The following CLDN16 variants were observed in gnomAD, a reference collection of about 807,000 sequenced individuals.
CLDN16 encodes the protein claudin 16, also known as claudin-16.
CLDN16 carries 13 observed loss-of-function variants against 24.6 expected under a neutral mutation model. The ratio of observed to expected loss-of-function variants is 0.53; its 90% CI spans 0.34 to 0.84. CLDN16 has a LOEUF of 0.84. Ranked by LOEUF, CLDN16 falls within the 40% of genes least tolerant of loss-of-function variation. The pLI is 0.01. For missense variants in CLDN16, 298 were observed against 292.7 expected (o/e 1.02, Z -0.13); for synonymous variants, 116 against 106.7 (o/e 1.09, Z -0.54).
intron 4 of CLDN16, 48 bp downstream of exon 4, chr3:190,408,553 T>A: frequency 1.3e-6 from 2 of 1,540,930 alleles, no homozygotes; most frequent in Non-Finnish European, 1.8e-6. Context: ...ACTATCGTTT[T>A]TCCCAATCCA....
chr3:190,298,346 T>TACACACAC, the CLDN16 span, among the ~76,000 whole-genome samples: 2 of 75,456 alleles, frequency 2.7e-5, no homozygotes, highest in African/African-American at 8.6e-5. Context: ...ACATGTATAT[T>TACACACAC]ATACACACAC....
intron 2 of CLDN16, among the ~76,000 whole-genome samples, chr3:190,372,029 C>T (rs749514371): frequency 2.0e-5 from 3 of 151,952 alleles, no homozygotes; most frequent in Non-Finnish European, 4.4e-5. Flanking sequence ...GCTCTGAGCA[C>T]CTGCTCCAGT....
intron 1 of CLDN16, among the ~76,000 whole-genome samples, chr3:190,398,685 A>C (rs1718882199): frequency 6.6e-6 from 1 of 152,178 alleles, no homozygotes. Context: ...AGTCATTATG[A>C]TGTTTAAGCA....
At chr3:190,348,866 G>T (rs977170791) in intron 1 of CLDN16, among the ~76,000 whole-genome samples, 7 of 152,012 alleles carry the variant, frequency 4.6e-5, no homozygotes, top group South Asian at 2.1e-4. Flanking sequence ...CCACTATGTG[G>T]CCATGTGTTC....
At chr3:190,319,536 T>G (rs1716861365), upstream of CLDN16, among the ~76,000 whole-genome samples, 2 of 152,188 alleles carry the variant, frequency 1.3e-5, no homozygotes, top group South Asian at 4.1e-4. Context: ...GAAGGTCATA[T>G]GCTTTTTATG....
chr3:190,362,588 G>A (rs534535752), intron 1 of CLDN16, among the ~76,000 whole-genome samples: 40 of 152,068 alleles, frequency 2.6e-4, no homozygotes, highest in African/African-American at 7.9e-4. Context: ...TGCAATTCCC[G>A]TGTCTTGATA....
chr3:190,291,484 T>C, the CLDN16 span, among the ~76,000 whole-genome samples: 1 of 151,948 alleles, frequency 6.6e-6, no homozygotes, highest in Non-Finnish European at 1.5e-5. Context: ...GAGAACTCAC[T>C]CACTATCATG....
At chr3:190,353,849 T>A (rs1717715436) in intron 1 of CLDN16, among the ~76,000 whole-genome samples, 1 of 152,060 alleles carries the variant, frequency 6.6e-6, no homozygotes, top group Non-Finnish European at 1.5e-5. Context: ...TCTGTACTAG[T>A]TTCCTGTGGC....
Position 190,348,335 on chromosome 3 carries a change from A to ATGTGTG in CLDN16, n.122-22533_122-22528dup, listed in dbSNP as rs57246894. On this transcript the variant is annotated intron_variant and non_coding_transcript_variant, in intron 1 of 4. Coordinates refer to the CLDN16 transcript ENST00000468220. ...TGTCAAGGAAGACAGCAAGACTGCA[A>ATGTGTG]TGTGTGTGTGTGTGTGTGTGTGTGT... Among the ~76,000 whole-genome samples, 167 of 138,432 alleles carry ATGTGTG rather than the reference A, an allele frequency of 1.2e-3. 1 individual carries two copies. Among genetic ancestry groups the ATGTGTG allele is most frequent in the East Asian group, 6.7e-3 (31 of 4,598 alleles). The allele number at this position is 138,432 out of a possible 152,430, so 90.8% of individuals were successfully genotyped here.
intron 1 of CLDN16, among the ~76,000 whole-genome samples, chr3:190,366,750 G>C (rs959052533): frequency 6.6e-6 from 1 of 151,948 alleles, no homozygotes; most frequent in Non-Finnish European, 1.5e-5. Flanking sequence ...CTTTCCAGGA[G>C]GGAGGGTATC....
chr3:190,381,011 C>T (rs1718359629), intron 3 of CLDN16, among the ~76,000 whole-genome samples: 1 of 151,986 alleles, frequency 6.6e-6, no homozygotes, highest in Non-Finnish European at 1.5e-5. Flanking sequence ...CTAAGGAATA[C>T]TAAGTATAAA....
intron 2 of CLDN16, among the ~76,000 whole-genome samples, 192 bp downstream of exon 2, chr3:190,402,631 A>C (rs1422256816): frequency 1.3e-5 from 2 of 152,128 alleles, no homozygotes; most frequent in African/African-American, 4.8e-5. Flanking sequence ...CTCTTTTCTC[A>C]TATATTTGTA....
At chr3:190,388,514 A>C in intron 1 of CLDN16, 71 bp downstream of exon 1, 1 of 1,257,620 alleles carries the variant, frequency 8.0e-7, no homozygotes, top group South Asian at 1.2e-5. Flanking sequence ...ACTGCCATGT[A>C]CAACATTCAG....
chr3:190,320,977 A>G (rs1425129756), upstream of CLDN16, among the ~76,000 whole-genome samples: 6 of 152,166 alleles, frequency 3.9e-5, no homozygotes, highest in African/African-American at 1.4e-4. Flanking sequence ...ACAAAGTAAA[A>G]CAATTATCCT....
chr3:190,377,033 G>A (rs1718262096), intron 3 of CLDN16, among the ~76,000 whole-genome samples: 4 of 151,912 alleles, frequency 2.6e-5, no homozygotes, highest in Admixed American at 6.6e-5. Flanking sequence ...AGTGAGGAAA[G>A]GAGAAGGACA....
At chr3:190,356,516 A>G (rs1717776958) in intron 1 of CLDN16, among the ~76,000 whole-genome samples, 1 of 151,890 alleles carries the variant, frequency 6.6e-6, no homozygotes, top group Admixed American at 6.6e-5. Flanking sequence ...TCTGTGGTAA[A>G]CCAAAGGCAT....
At chr3:190,331,488 C>A (rs1717179159) in intron 1 of CLDN16, among the ~76,000 whole-genome samples, 1 of 152,168 alleles carries the variant, frequency 6.6e-6, no homozygotes. Flanking sequence ...AGCCACTAGT[C>A]ACACATGGCT....
the CLDN16 span, among the ~76,000 whole-genome samples, chr3:190,297,209 G>A: frequency 3.3e-5 from 5 of 151,798 alleles, no homozygotes; most frequent in Non-Finnish European, 7.4e-5. Flanking sequence ...CAAAGTGGCT[G>A]CATTTAGACT....
chr3:190,322,078 G>A (rs1225350122), upstream of CLDN16: 2 of 1,614,216 alleles, frequency 1.2e-6, no homozygotes, highest in Non-Finnish European at 1.7e-6. Context: ...ACATGGCCTG[G>A]GCGGTCACGA....
Sources: gnomAD v4.1 joint callset for allele counts (sites outside exome capture counted in the v4.1 genomes callset) on GRCh38, gnomAD v4.1.1 for gene constraint, MANE v1.5 for transcripts, NCBI Gene and HGNC (gene_info 2026-07-23, HGNC 2026-07-21) for gene names.